The following ORC4 variants were observed in gnomAD, a reference collection of about 807,000 sequenced individuals.
ORC4 encodes the protein origin recognition complex subunit 4.
Under a neutral mutation model 63.9 loss-of-function variants are expected in ORC4, and 55 were observed. The observed-to-expected ratio is 0.86, with a 90% CI of 0.69 to 1.08. The LOEUF is 1.08. Ranked by LOEUF, ORC4 falls within the 50% of genes least tolerant of loss-of-function variation. ORC4 has a pLI of 0.00. For synonymous variants in ORC4, 150 were observed against 168.5 expected (o/e 0.89, Z 0.85); for missense variants, 511 against 504.4 (o/e 1.01, Z -0.13).
chr2:147,973,394 C>A (rs542680217), intron 3 of ORC4, 54 bp downstream of exon 3: 13 of 1,069,758 alleles, frequency 1.2e-5, no homozygotes, highest in Non-Finnish European at 1.9e-5. Context: ...TTTGCAAAAC[C>A]TGGAAGGCAT....
chr2:147,997,577 A>G (rs1380042644), intron 1 of ORC4, among the ~76,000 whole-genome samples: 1 of 152,180 alleles, frequency 6.6e-6, no homozygotes, highest in African/African-American at 2.4e-5. Context: ...TATTTAATAT[A>G]ATGAAAACAT....
chr2:147,976,066 T>C, intron 1 of ORC4, 91 bp from the exon 2 acceptor site: 1 of 745,090 alleles, frequency 1.3e-6, no homozygotes, highest in Non-Finnish European at 2.4e-6. Flanking sequence ...TAAATACAAG[T>C]TTTTAAAAGT....
intron 4 of ORC4, among the ~76,000 whole-genome samples, chr2:147,967,466 A>G (rs1689958868): frequency 6.6e-6 from 1 of 152,004 alleles, no homozygotes. Flanking sequence ...ATCAATATAC[A>G]ATAACCAGTA....
Position 148,003,756 on chromosome 2 carries a change from G to C in ORC4, c.-18+16877C>G, listed in dbSNP as rs544648796. Among the ~76,000 whole-genome samples the C allele has an allele frequency of 7.2e-4, 110 of 152,236 alleles. 4 individuals are homozygous for C. The South Asian group carries it at 0.022, about 31-fold the overall frequency. Reference sequence around the variant, plus strand: ...ATTCAACATAGTATTGGAAGTTCTGGCCAGGGCAATCAGGCAAGAGAAAGA... The same window carrying C: ...ATTCAACATAGTATTGGAAGTTCTGCCCAGGGCAATCAGGCAAGAGAAAGA... On this transcript the variant is annotated intron_variant, in intron 1 of 13. Coordinates refer to ENST00000392857, the MANE Select transcript of ORC4 (RefSeq NM_181741.4).
chr2:147,960,298 G>A, intron 4 of ORC4: 1 of 984,612 alleles, frequency 1.0e-6, no homozygotes, highest in Non-Finnish European at 1.2e-6. Flanking sequence ...TATGGGTTGT[G>A]TGTATGGTCT....
intron 1 of ORC4, among the ~76,000 whole-genome samples, chr2:147,985,691 T>C (rs1443332913): frequency 6.6e-6 from 1 of 152,228 alleles, no homozygotes; most frequent in Non-Finnish European, 1.5e-5. Context: ...CACTGTTTTT[T>C]AGACTAACAT....
At chr2:147,937,433 G>T (rs899627600) in intron 13 of ORC4, among the ~76,000 whole-genome samples, 1 of 151,982 alleles carries the variant, frequency 6.6e-6, no homozygotes, top group African/African-American at 2.4e-5. Flanking sequence ...ACATTTTATG[G>T]AATCTAAACA....
chr2:147,955,446 CA>C (rs1558840012), intron 6 of ORC4, 51 bp from the exon 7 acceptor site: 1 of 1,279,412 alleles, frequency 7.8e-7, no homozygotes, highest in Non-Finnish European at 1.1e-6. Context: ...AAATAAAGAA[CA>C]AAAGATGGCT....
chr2:148,009,576 T>C (rs1220489702), intron 1 of ORC4, among the ~76,000 whole-genome samples: 2 of 152,158 alleles, frequency 1.3e-5, no homozygotes, highest in Non-Finnish European at 2.9e-5. Context: ...TCTAGATATA[T>C]AGAGTCAAGT....
At chr2:147,972,315 C>T (rs1690262114) in intron 4 of ORC4, among the ~76,000 whole-genome samples, 2 of 151,890 alleles carry the variant, frequency 1.3e-5, no homozygotes, top group African/African-American at 4.8e-5. Flanking sequence ...ATGATAGTTC[C>T]CTAACCTATA....
chr2:147,943,097 G>A (rs942846313), intron 10 of ORC4, among the ~76,000 whole-genome samples: 6 of 152,088 alleles, frequency 3.9e-5, no homozygotes, highest in African/African-American at 7.2e-5. Context: ...AAATGCTGAT[G>A]AAAGTAATCA....
At chr2:147,947,041 A>G (rs1425294357) in intron 9 of ORC4, among the ~76,000 whole-genome samples, 1 of 152,092 alleles carries the variant, frequency 6.6e-6, no homozygotes, top group Non-Finnish European at 1.5e-5. Context: ...ATAATCATTT[A>G]AAGAACAAAC....
intron 1 of ORC4, among the ~76,000 whole-genome samples, chr2:148,006,003 C>G (rs1047386728): frequency 6.6e-6 from 1 of 152,008 alleles, no homozygotes; most frequent in Non-Finnish European, 1.5e-5. Context: ...AACACACTAA[C>G]AAACAAACAA....
intron 4 of ORC4, among the ~76,000 whole-genome samples, chr2:147,971,918 T>G (rs997026767): frequency 6.6e-6 from 1 of 152,112 alleles, no homozygotes; most frequent in Non-Finnish European, 1.5e-5. Context: ...CCTAACGTAC[T>G]CATCTTAATA....
chr2:147,958,899 G>A (rs1279681556), intron 4 of ORC4, 33 bp from the exon 5 acceptor site: 6 of 883,652 alleles, frequency 6.8e-6, no homozygotes, highest in South Asian at 1.4e-5. Flanking sequence ...ATAATAATAG[G>A]TAAAAGATAA....
intron 1 of ORC4, among the ~76,000 whole-genome samples, chr2:147,981,453 C>T (rs1253963294): frequency 6.6e-6 from 1 of 152,142 alleles, no homozygotes; most frequent in Non-Finnish European, 1.5e-5. Context: ...TATTTTGGAA[C>T]TTCAGCTGAC....
chr2:148,007,060 T>C (rs545291790), intron 1 of ORC4, among the ~76,000 whole-genome samples: 1 of 152,320 alleles, frequency 6.6e-6, no homozygotes, highest in East Asian at 1.9e-4. Context: ...TTCCTGTGCT[T>C]TGGATGCTCC....
chr2:147,992,016 A>T (rs1453308578), intron 1 of ORC4, among the ~76,000 whole-genome samples: 1 of 152,214 alleles, frequency 6.6e-6, no homozygotes, highest in Non-Finnish European at 1.5e-5. Context: ...ATAGGCTAAC[A>T]AAAGAACTAA....
chr2:148,004,671 T>C (rs2105444437), intron 1 of ORC4, among the ~76,000 whole-genome samples: 1 of 152,130 alleles, frequency 6.6e-6, no homozygotes, highest in Non-Finnish European at 1.5e-5. Context: ...TAAGAAAACC[T>C]AGGCAATATC....
Sources: gnomAD v4.1 joint callset for allele counts (sites outside exome capture counted in the v4.1 genomes callset) on GRCh38, gnomAD v4.1.1 for gene constraint, MANE v1.5 for transcripts, NCBI Gene and HGNC (gene_info 2026-07-23, HGNC 2026-07-21) for gene names.